The following CFAP299 variants were observed in gnomAD, a reference collection of about 807,000 sequenced individuals.
CFAP299 encodes the protein cilia and flagella associated protein 299, also known as cilia- and flagella-associated protein 299.
Under a neutral mutation model 27.0 loss-of-function variants are expected in CFAP299, and 21 were observed. The ratio of observed to expected loss-of-function variants is 0.78; its 90% CI spans 0.55 to 1.12. The LOEUF (loss-of-function observed/expected upper bound fraction) is 1.12. Among genes scored for constraint, CFAP299 ranks in the 50% most tolerant of loss-of-function variants. CFAP299 has a pLI of 0.00. For missense variants in CFAP299, 310 were observed against 276.6 expected, an observed-to-expected ratio of 1.12 and a Z score of -0.86; for synonymous variants, 104 against 98.1, an observed-to-expected ratio of 1.06 and a Z score of -0.36.
chr4:80,335,574 C>G (rs894588259), upstream of CFAP299: 2 of 584,678 alleles, frequency 3.4e-6, no homozygotes, highest in Non-Finnish European at 6.2e-6. Flanking sequence ...CCGACCTGAA[C>G]TTGGGTGGGT....
At chr4:80,579,457 A>C (rs1180632284) in intron 2 of CFAP299, among the ~76,000 whole-genome samples, 1 of 152,130 alleles carries the variant, frequency 6.6e-6, no homozygotes, top group Non-Finnish European at 1.5e-5. Flanking sequence ...TGTCTGCCAT[A>C]GTTAAGTGTC....
chr4:80,915,940 A>G (rs1420480998), intron 4 of CFAP299, among the ~76,000 whole-genome samples: 1 of 151,648 alleles, frequency 6.6e-6, no homozygotes, highest in African/African-American at 2.4e-5. Context: ...CTACTTTGTC[A>G]TTTCTGAGTA....
chr4:80,481,644 A>G (rs1003684690), intron 2 of CFAP299, among the ~76,000 whole-genome samples: 3 of 152,026 alleles, frequency 2.0e-5, no homozygotes, highest in Non-Finnish European at 4.4e-5. Context: ...TATTTTACAG[A>G]TTGAGGAAAC....
At chr4:80,425,796 G>A (rs1372449037) in intron 2 of CFAP299, among the ~76,000 whole-genome samples, 3 of 152,168 alleles carry the variant, frequency 2.0e-5, no homozygotes, top group Admixed American at 6.5e-5. Flanking sequence ...TAAAAGGGTG[G>A]TGTTGCCAAT....
rs538714160 is a variant in CFAP299, at chr4:80,714,840, A to G, written c.333+131657A>G. 5.8e-4 allele frequency among the ~76,000 whole-genome samples: 89 copies of G among 152,186 alleles called. 1 individual carries two copies. Among genetic ancestry groups the G allele is most frequent in the African/African-American group, 2.0e-3 (82 of 41,556 alleles). ...TTTCTCATTACTTCCAGACCATACC[A>G]TGTAGGAAAATTGAGCCCGTTTTGG... On this transcript the variant is annotated intron_variant, in intron 3 of 5. Transcript: ENST00000358105.
At chr4:80,860,452 G>T (rs1732253270) in intron 3 of CFAP299, among the ~76,000 whole-genome samples, 1 of 152,204 alleles carries the variant, frequency 6.6e-6, no homozygotes, top group Non-Finnish European at 1.5e-5. Context: ...TGCTGGTGAG[G>T]AACTGCGATC....
intron 3 of CFAP299, among the ~76,000 whole-genome samples, chr4:80,852,272 A>T (rs1731568497): frequency 6.6e-6 from 1 of 152,150 alleles, no homozygotes; most frequent in Admixed American, 6.6e-5. Flanking sequence ...GAGCTTGTTA[A>T]AAATGCAAAT....
chr4:80,597,707 A>T (rs1049519599), intron 3 of CFAP299, among the ~76,000 whole-genome samples: 6 of 151,804 alleles, frequency 4.0e-5, no homozygotes, highest in African/African-American at 1.5e-4. Context: ...TTTTTTTTAA[A>T]GATGGAGTAT....
intron 4 of CFAP299, among the ~76,000 whole-genome samples, chr4:80,874,442 T>C (rs1052851510): frequency 1.8e-4 from 27 of 152,192 alleles, no homozygotes; most frequent in African/African-American, 6.5e-4. Flanking sequence ...TCCATATGCT[T>C]ATTTGTCTTA....
chr4:80,733,374 A>G (rs1723650242), intron 3 of CFAP299, among the ~76,000 whole-genome samples: 1 of 152,124 alleles, frequency 6.6e-6, no homozygotes, highest in Non-Finnish European at 1.5e-5. Flanking sequence ...TACATGAGAT[A>G]TTTTGGTACA....
chr4:80,954,942 G>C lies in CFAP299; in HGVS notation c.607-8575G>C, dbSNP rs368168497. Among the ~76,000 whole-genome samples, 12 of 130,630 alleles carry C rather than the reference G, an allele frequency of 9.2e-5. No individual in the cohort carries two copies. The South Asian group carries it at 2.6e-3, about 28-fold the overall frequency. 85.7% of individuals were successfully genotyped at this position (130,630 alleles called of 152,430 possible). On this transcript the variant is annotated intron_variant, in intron 5 of 5. Transcript: ENST00000358105. ...GTGAACCCAGGAGACGGAGCTTGCA[G>C]TGAGCCAAGATTGCGCCACTGCACT...
intron 3 of CFAP299, among the ~76,000 whole-genome samples, chr4:80,796,010 G>A (rs563510825): frequency 6.6e-6 from 1 of 152,148 alleles, no homozygotes; most frequent in African/African-American, 2.4e-5. Context: ...CCAAGTGACA[G>A]AGCAGCTTGC....
chr4:80,577,708 C>T (rs1472961466), intron 2 of CFAP299, among the ~76,000 whole-genome samples: 1 of 152,032 alleles, frequency 6.6e-6, no homozygotes, highest in Non-Finnish European at 1.5e-5. Context: ...ACCTAGAAAA[C>T]ATCTTAATGA....
intron 3 of CFAP299, among the ~76,000 whole-genome samples, chr4:80,745,884 G>C (rs1724555623): frequency 6.6e-6 from 1 of 152,062 alleles, no homozygotes; most frequent in South Asian, 2.1e-4. Flanking sequence ...AGTGAGGAAA[G>C]CTGGTCAGAA....
intron 3 of CFAP299, among the ~76,000 whole-genome samples, chr4:80,753,449 T>A (rs1309914423): frequency 6.6e-6 from 1 of 152,180 alleles, no homozygotes; most frequent in Non-Finnish European, 1.5e-5. Context: ...TAGTAGTTTG[T>A]ATATGATATT....
rs915519177 is a variant in CFAP299 at position 80,622,013 on chromosome 4, C to A, written c.333+38830C>A. On this transcript the variant is annotated intron_variant, in intron 3 of 5. Transcript: ENST00000358105. ...GGAAAGTTTTGGCTGACAGAGAAGG[C>A]ACTTAAGTGTCAGTTAAACAAGTTG... 4.6e-5 allele frequency among the ~76,000 whole-genome samples: 7 copies of A among 152,142 alleles called. No homozygotes were observed. The East Asian group carries it at 1.4e-3, about 29-fold the overall frequency.
At chr4:80,439,498 G>T (rs554938669) in intron 2 of CFAP299, among the ~76,000 whole-genome samples, 3 of 152,186 alleles carry the variant, frequency 2.0e-5, no homozygotes, top group Non-Finnish European at 4.4e-5. Context: ...TGACATGAGG[G>T]ATGGTGCTAT....
intron 3 of CFAP299, among the ~76,000 whole-genome samples, chr4:80,813,540 G>A (rs1729268977): frequency 6.6e-6 from 1 of 151,904 alleles, no homozygotes; most frequent in African/African-American, 2.4e-5. Flanking sequence ...ATTGAAAGCA[G>A]GTATCTTGTC....
chr4:80,391,050 TAC>T (rs889656073), intron 2 of CFAP299, among the ~76,000 whole-genome samples: 2 of 151,492 alleles, frequency 1.3e-5, no homozygotes, highest in Non-Finnish European at 2.9e-5. Context: ...CACACATATA[TAC>T]ACACATATAT....
Sources: gnomAD v4.1 joint callset for allele counts (sites outside exome capture counted in the v4.1 genomes callset) on GRCh38, gnomAD v4.1.1 for gene constraint, MANE v1.5 for transcripts, NCBI Gene and HGNC (gene_info 2026-07-23, HGNC 2026-07-21) for gene names.